Variants in NWD2 observed in about 807,000 individuals in gnomAD.
NWD2 encodes NACHT and WD repeat domain-containing protein 2.
A neutral mutation model predicts 132.7 loss-of-function variants in NWD2; 37 were observed. The ratio of observed to expected loss-of-function variants is 0.28; its 90% CI spans 0.21 to 0.37. The LOEUF (loss-of-function observed/expected upper bound fraction) is 0.37. Ranked by LOEUF, NWD2 falls within the 10% of genes least tolerant of loss-of-function variation. The pLI is 1.00. For synonymous variants in NWD2, 705 were observed against 803.0 expected (o/e 0.88, Z 2.06); for missense variants, 1,592 against 2,122.4 (o/e 0.75, Z 4.91).
chr4:37,376,536 A>G (rs988213643), intron 3 of NWD2, among the ~76,000 whole-genome samples: 2 of 152,192 alleles, frequency 1.3e-5, no homozygotes, highest in African/African-American at 4.8e-5. Flanking sequence ...GAGGTGGAAC[A>G]TGGTTATATT....
At chr4:37,322,049 A>G (rs1160743965) in intron 1 of NWD2, among the ~76,000 whole-genome samples, 1 of 152,178 alleles carries the variant, frequency 6.6e-6, no homozygotes, top group Non-Finnish European at 1.5e-5. Flanking sequence ...ATGAATTACA[A>G]TAGAGGAGGC....
chr4:37,346,663 T>G (rs1719644224), intron 2 of NWD2, among the ~76,000 whole-genome samples: 1 of 152,210 alleles, frequency 6.6e-6, no homozygotes, highest in African/African-American at 2.4e-5. Context: ...GTCTTTCATT[T>G]ATTTATATCT....
At chr4:37,404,465 T>G (rs1720956805) in intron 3 of NWD2, among the ~76,000 whole-genome samples, 1 of 152,184 alleles carries the variant, frequency 6.6e-6, no homozygotes, top group Non-Finnish European at 1.5e-5. Flanking sequence ...AGTTTTGCTT[T>G]CTTCTCCATC....
At chr4:37,334,783 A>G (rs184856862) in intron 2 of NWD2, among the ~76,000 whole-genome samples, 1 of 152,234 alleles carries the variant, frequency 6.6e-6, no homozygotes, top group Admixed American at 6.5e-5. Flanking sequence ...TCTCATAGCC[A>G]ACTTCATTAG....
chr4:37,446,844 C>A lies in NWD2; in HGVS notation c.4856C>A (p.Pro1619Gln). 6.4e-7 allele frequency: 1 copy of A among 1,551,758 alleles called. No homozygotes were observed. ...NIGACSLYKT[P>Q]TFLALSQRHL... ...GGTGCTTGTTCCCTTTACAAAACACCAACTTTCCTTGCACTCTCCCAGAGG... is the reference window on the plus strand; with the variant it reads ...GGTGCTTGTTCCCTTTACAAAACACAAACTTTCCTTGCACTCTCCCAGAGG... Residue 1619 changes from proline to glutamine, a missense_variant, in exon 7 of 7, where the codon CCA (proline) becomes CAA (glutamine). Around this residue, in one of 7 missense-constraint regions of NWD2, gnomAD observed 257 missense variants for 335.0 expected, o/e 0.77. Coordinates refer to ENST00000309447, the MANE Select transcript of NWD2 (RefSeq NM_001144990.2). This position sits in a 1 kb window ranked among gnomAD's most constrained non-coding sequence, Gnocchi z 6.7.
chr4:37,290,533 C>G (rs113701307), intron 1 of NWD2, among the ~76,000 whole-genome samples: 19,222 of 152,036 alleles, frequency 0.13, 1,303 homozygotes, highest in East Asian at 0.19. Context: ...TATAGGCAGT[C>G]AGGAAAGGCT....
At chr4:37,312,518 G>A (rs1177477168) in intron 1 of NWD2, among the ~76,000 whole-genome samples, 2 of 151,026 alleles carry the variant, frequency 1.3e-5, no homozygotes, top group Non-Finnish European at 2.9e-5. Context: ...ATCAGCTTAA[G>A]GAGATTTTGG....
intron 2 of NWD2, among the ~76,000 whole-genome samples, chr4:37,350,355 T>G (rs946221180): frequency 6.6e-6 from 1 of 152,214 alleles, no homozygotes; most frequent in Non-Finnish European, 1.5e-5. Context: ...CTCTCTTACT[T>G]CCTTGAGCAG....
In NWD2 at chr4:37,438,942, G is replaced by A; in HGVS notation, c.848G>A (p.Gly283Glu). The A allele has an allele frequency of 6.4e-7, 1 of 1,552,004 alleles. No homozygotes were observed. The highest frequency in any genetic ancestry group is 8.7e-7 in the Non-Finnish European group (1 of 1,147,058). Residue 283 changes from glycine to glutamate, a missense_variant, in exon 6 of 7, where the codon GGA becomes GAA. Gly to Glu is a moderately conservative substitution (Grantham distance 98, BLOSUM62 -2). This residue lies in a region of NWD2 where 1,071 missense variants were observed against 1,398.0 expected (regional missense o/e 0.77). Coordinates refer to ENST00000309447, the MANE Select transcript of NWD2 (RefSeq NM_001144990.2). ...ATGGGAAAATACATGGATATAACTG[G>A]AACAGAACCGAGGATTATTCGGGAC... ...PEMGKYMDITGTEPRIIRDPE... is the reference protein window; with the variant it reads ...PEMGKYMDITETEPRIIRDPE...
rs749358533 is a variant in NWD2 at position 37,421,364 on chromosome 4, C to G, written c.358-9208C>G. Among the ~76,000 whole-genome samples the G allele has an allele frequency of 5.9e-5, 9 of 152,204 alleles. 1 individual carries two copies. The highest frequency in any genetic ancestry group is 1.2e-4 in the Non-Finnish European group (8 of 68,028). ...TTTCATGTGACTCTGTTATGCAGCT[C>G]TTTCACCCTTATGGCTGTTCCCTTT... On this transcript the variant is annotated intron_variant, in intron 3 of 6. Transcript: ENST00000309447.
chr4:37,350,536 A>G (rs965112785), intron 2 of NWD2, among the ~76,000 whole-genome samples: 1 of 152,210 alleles, frequency 6.6e-6, no homozygotes, highest in Non-Finnish European at 1.5e-5. Flanking sequence ...TTGATTTTGT[A>G]TCCTGAGACT....
intron 2 of NWD2, among the ~76,000 whole-genome samples, chr4:37,328,621 C>T (rs970578193): frequency 7.9e-5 from 12 of 151,082 alleles, no homozygotes; most frequent in Non-Finnish European, 1.5e-4. Flanking sequence ...AGATGTGCCA[C>T]GTTTTCTTTA....
chr4:37,395,951 A>T (rs922502193), intron 3 of NWD2, among the ~76,000 whole-genome samples: 2 of 151,960 alleles, frequency 1.3e-5, no homozygotes, highest in Middle Eastern at 3.4e-3. Context: ...CACCTGTCTG[A>T]GATGTATTGC....
chr4:37,413,904 A>C (rs1721211312), intron 3 of NWD2, among the ~76,000 whole-genome samples: 1 of 152,136 alleles, frequency 6.6e-6, no homozygotes, highest in African/African-American at 2.4e-5. Context: ...TCTCACTTAT[A>C]AGTGGGAGTT....
chr4:37,313,445 G>GT (rs1255153135), intron 1 of NWD2, among the ~76,000 whole-genome samples: 2 of 151,238 alleles, frequency 1.3e-5, no homozygotes, highest in Admixed American at 6.5e-5. Context: ...TCTGATGGTA[G>GT]TTTGTATTTC....
chr4:37,348,479 C>T (rs1359739317), intron 2 of NWD2, among the ~76,000 whole-genome samples: 2 of 151,400 alleles, frequency 1.3e-5, no homozygotes, highest in African/African-American at 4.9e-5. Context: ...CTGACCTTGA[C>T]ATGGTGACCA....
intron 6 of NWD2, among the ~76,000 whole-genome samples, chr4:37,442,434 G>T (rs1712510868): frequency 1.3e-5 from 2 of 152,146 alleles, no homozygotes; most frequent in African/African-American, 4.8e-5. Flanking sequence ...AGAATGAAAA[G>T]TCAGGTATGA....
intron 1 of NWD2, 48 bp from the exon 2 acceptor site, chr4:37,325,878 TGCCAGAAACA>T: frequency 3.0e-6 from 3 of 1,007,594 alleles, no homozygotes; most frequent in African/African-American, 1.6e-5. Flanking sequence ...TTCATTTTTT[TGCCAGAAACA>T]TATGTGTGGA....
chr4:37,413,428 C>T (rs543418137), intron 3 of NWD2, among the ~76,000 whole-genome samples: 4 of 152,350 alleles, frequency 2.6e-5, no homozygotes, highest in African/African-American at 9.6e-5. Context: ...GAGATACCAT[C>T]TCACACCAGT....
Sources: allele counts gnomAD v4.1 joint callset (sites outside exome capture counted in the v4.1 genomes callset), GRCh38; gene constraint gnomAD v4.1.1; regional missense constraint gnomAD v4.1.1; non-coding constraint Gnocchi (gnomAD v3.1); transcripts MANE v1.5; gene names NCBI Gene and HGNC (gene_info 2026-07-23, HGNC 2026-07-21).